MACROD2: variants seen among roughly 807,000 people sequenced by gnomAD.
MACROD2 encodes the protein mono-ADP ribosylhydrolase 2, also known as ADP-ribose glycohydrolase MACROD2.
A neutral mutation model predicts 70.4 loss-of-function variants in MACROD2; 36 were observed. The observed-to-expected ratio is 0.51, with a 90% CI of 0.39 to 0.68. MACROD2 has a LOEUF of 0.68. Ranked by LOEUF, MACROD2 falls within the 30% of genes least tolerant of loss-of-function variation. The pLI is 0.00. For synonymous variants in MACROD2, 172 were observed against 178.8 expected, an observed-to-expected ratio of 0.96 and a Z score of 0.30; for missense variants, 496 against 538.4, an observed-to-expected ratio of 0.92 and a Z score of 0.78.
chr20:14,655,382 T>C (rs1985918045), intron 4 of MACROD2, among the ~76,000 whole-genome samples: 1 of 145,534 alleles, frequency 6.9e-6, no homozygotes, highest in Admixed American at 6.8e-5. Context: ...TTGTGTGTGT[T>C]CCTGTCTGAG....
At chr20:14,270,677 CT>C (rs1346181005) in intron 3 of MACROD2, among the ~76,000 whole-genome samples, 1 of 151,590 alleles carries the variant, frequency 6.6e-6, no homozygotes, top group Non-Finnish European at 1.5e-5. Context: ...CTCAACTCAA[CT>C]TTTTTTCCTA....
At chr20:15,088,776 C>G (rs2075772185) in intron 5 of MACROD2, among the ~76,000 whole-genome samples, 1 of 151,722 alleles carries the variant, frequency 6.6e-6, no homozygotes, top group Non-Finnish European at 1.5e-5. Context: ...TAGGTGTAAT[C>G]TTCTATGTAT....
At chr20:15,548,918 C>G (rs911651737) in intron 8 of MACROD2, among the ~76,000 whole-genome samples, 1 of 152,188 alleles carries the variant, frequency 6.6e-6, no homozygotes, top group African/African-American at 2.4e-5. Flanking sequence ...TAGCCAGCAT[C>G]AACTCTCAGT....
chr20:14,563,596 C>A (rs1474196811), intron 4 of MACROD2, among the ~76,000 whole-genome samples: 1 of 151,910 alleles, frequency 6.6e-6, no homozygotes, highest in African/African-American at 2.4e-5. Flanking sequence ...TTGTAAGGAA[C>A]AATGAGATCC....
intron 8 of MACROD2, among the ~76,000 whole-genome samples, chr20:15,565,899 C>G (rs1373956006): frequency 6.6e-6 from 1 of 152,146 alleles, no homozygotes; most frequent in Non-Finnish European, 1.5e-5. Flanking sequence ...CTTTACCAAG[C>G]CACACTGGGT....
chr20:14,164,122 G>A (rs567598168), intron 3 of MACROD2, among the ~76,000 whole-genome samples: 1 of 150,976 alleles, frequency 6.6e-6, no homozygotes, highest in East Asian at 1.9e-4. Flanking sequence ...TTTTTTTGAA[G>A]ATGTATCATG....
chr20:15,719,187 T>C (rs1416192835), intron 8 of MACROD2, among the ~76,000 whole-genome samples: 2 of 152,230 alleles, frequency 1.3e-5, no homozygotes, highest in East Asian at 1.9e-4. Flanking sequence ...TAGAAATTTA[T>C]GGATGATGAT....
At chr20:15,467,693 C>G (rs1201668328) in intron 7 of MACROD2, among the ~76,000 whole-genome samples, 1 of 150,582 alleles carries the variant, frequency 6.6e-6, no homozygotes, top group African/African-American at 2.5e-5. Flanking sequence ...AAGAATAAAT[C>G]AAATATTTAT....
intron 3 of MACROD2, among the ~76,000 whole-genome samples, chr20:14,103,236 T>G (rs529197218): frequency 2.0e-5 from 3 of 152,326 alleles, no homozygotes; most frequent in Non-Finnish European, 4.4e-5. Flanking sequence ...ATTTTTTTGT[T>G]TTCCTACTTT....
chr20:15,435,153 TA>T (rs1204124526), intron 7 of MACROD2, among the ~76,000 whole-genome samples: 1 of 152,122 alleles, frequency 6.6e-6, no homozygotes, highest in African/African-American at 2.4e-5. Context: ...AAACCACATG[TA>T]CCCCCAAAAA....
At chr20:15,623,164 A>G (rs934850350) in intron 8 of MACROD2, among the ~76,000 whole-genome samples, 1 of 152,232 alleles carries the variant, frequency 6.6e-6, no homozygotes, top group Non-Finnish European at 1.5e-5. Context: ...TCATGTTTTC[A>G]TATGACTTGC....
chr20:15,655,989 G>C (rs1034025220), intron 8 of MACROD2, among the ~76,000 whole-genome samples: 5 of 152,044 alleles, frequency 3.3e-5, no homozygotes, highest in Admixed American at 1.3e-4. Flanking sequence ...TGGTAACCTG[G>C]ATTGTTACCA....
intron 3 of MACROD2, among the ~76,000 whole-genome samples, chr20:14,234,423 A>C (rs557908272): frequency 2.0e-5 from 3 of 152,058 alleles, no homozygotes; most frequent in Admixed American, 1.3e-4. Flanking sequence ...GGTGTACCTT[A>C]GTTATTCTTA....
intron 5 of MACROD2, among the ~76,000 whole-genome samples, chr20:14,892,549 A>G (rs1260157735): frequency 6.6e-6 from 1 of 152,198 alleles, no homozygotes; most frequent in Non-Finnish European, 1.5e-5. Context: ...AAAACATACA[A>G]TGTAACATTT....
chr20:15,558,782 C>T (rs1448217496), intron 8 of MACROD2, among the ~76,000 whole-genome samples: 1 of 152,100 alleles, frequency 6.6e-6, no homozygotes, highest in Non-Finnish European at 1.5e-5. Flanking sequence ...GAAATTCTTT[C>T]CTACATTAAA....
At chr20:15,315,358 G>A (rs1226561542) in intron 6 of MACROD2, among the ~76,000 whole-genome samples, 6 of 152,026 alleles carry the variant, frequency 3.9e-5, no homozygotes, top group Admixed American at 6.6e-5. Context: ...AATGAATCCC[G>A]AGAAGGATCG....
chr20:15,377,304 C>G (rs1204874542), intron 6 of MACROD2, among the ~76,000 whole-genome samples: 1 of 151,498 alleles, frequency 6.6e-6, no homozygotes, highest in Non-Finnish European at 1.5e-5. Context: ...TCACTGGTCT[C>G]CACAGGGGAA....
intron 5 of MACROD2, among the ~76,000 whole-genome samples, chr20:15,208,922 A>G (rs1304609242): frequency 1.3e-5 from 2 of 151,982 alleles, no homozygotes; most frequent in African/African-American, 4.8e-5. Context: ...CTCTGATACC[A>G]CTCAGGACAG....
At chr20:15,320,953 G>A (rs962011466) in intron 6 of MACROD2, among the ~76,000 whole-genome samples, 3 of 152,200 alleles carry the variant, frequency 2.0e-5, no homozygotes, top group African/African-American at 7.2e-5. Flanking sequence ...AAAGATTTGG[G>A]TGAGGAAAAA....
Sources: gnomAD v4.1 joint callset for allele counts (sites outside exome capture counted in the v4.1 genomes callset) on GRCh38, gnomAD v4.1.1 for gene constraint, MANE v1.5 for transcripts, NCBI Gene and HGNC (gene_info 2026-07-23, HGNC 2026-07-21) for gene names.